NLRP5: variants seen among roughly 807,000 people sequenced by gnomAD.
NLRP5 encodes NLR family pyrin domain containing 5, also known as NACHT, LRR and PYD domains-containing protein 5.
NLRP5 carries 93 observed loss-of-function variants against 113.1 expected under a neutral mutation model. The observed-to-expected ratio is 0.82, with a 90% CI of 0.70 to 0.98. The LOEUF is 0.98. Ranked by LOEUF, NLRP5 falls within the 50% of genes least tolerant of loss-of-function variation. The probability of loss-of-function intolerance (pLI) is 0.00; values close to 1 mark genes in which losing one functional copy is unlikely to be tolerated. For missense variants in NLRP5, 1,808 were observed against 1,514.3 expected, an observed-to-expected ratio of 1.19 and a Z score of -3.22; for synonymous variants, 751 against 600.7, an observed-to-expected ratio of 1.25 and a Z score of -3.66.
At position 56,058,181 on chromosome 19, in the gene NLRP5, T is replaced by G. The variant is rs942520795; in HGVS notation, c.3300-59T>G. 6.2e-6 allele frequency: 8 copies of G among 1,282,266 alleles called. No individual in the cohort carries two copies. In the East Asian group the frequency reaches 2.0e-4, roughly 31 times the overall value. 79.4% of individuals were successfully genotyped at this position (1,282,266 alleles called of 1,614,324 possible). ...GTATCAAGGTGAAATTCATACGGGT[T>G]GAATGAAGGGTCCATCATCGATCTT... On this transcript the variant is annotated intron_variant, in intron 13 of 14. Coordinates refer to ENST00000390649, the MANE Select transcript of NLRP5 (RefSeq NM_153447.4).
chr19:56,049,546 G>A (rs1480937382), intron 11 of NLRP5, among the ~76,000 whole-genome samples: 3 of 151,860 alleles, frequency 2.0e-5, no homozygotes, highest in Admixed American at 2.0e-4. Context: ...TTGACCTGGT[G>A]ATCCTCCCGC....
At chr19:55,998,688 A>ATATATGTGTGTGTGTGTGTGTG (rs1981440088), upstream of NLRP5, among the ~76,000 whole-genome samples, 27 of 50,290 alleles carry the variant, frequency 5.4e-4, no homozygotes, top group African/African-American at 1.9e-3. Flanking sequence ...ATATATATAT[A>ATATATGTGTGTGTGTGTGTGTG]TATATATATA....
intron 13 of NLRP5, among the ~76,000 whole-genome samples, chr19:56,057,409 C>G (rs974364984): frequency 1.3e-5 from 2 of 152,168 alleles, no homozygotes; most frequent in Non-Finnish European, 2.9e-5. Flanking sequence ...GACCTAGGTG[C>G]CCAGCCTCCG....
intron 3 of NLRP5, among the ~76,000 whole-genome samples, chr19:56,009,736 T>C (rs555519328): frequency 2.6e-5 from 4 of 152,272 alleles, no homozygotes; most frequent in Admixed American, 2.6e-4. Flanking sequence ...GCCGCTACCA[T>C]CTTGCTCAGC....
At chr19:56,048,534 A>AG (rs199932514) in intron 11 of NLRP5, among the ~76,000 whole-genome samples, 100,372 of 151,548 alleles carry the variant, frequency 0.66, 33,823 homozygotes, top group Non-Finnish European at 0.7. Context: ...TGTTCAAGGA[A>AG]CAAACAAGGG....
upstream of NLRP5, among the ~76,000 whole-genome samples, chr19:55,998,784 C>G (rs1219179555): frequency 1.4e-5 from 2 of 146,272 alleles, no homozygotes; most frequent in African/African-American, 2.6e-5. Flanking sequence ...CAAATTGAAG[C>G]AATCCTAAAT....
chr19:56,034,091 T>A (rs1950124105), intron 9 of NLRP5, among the ~76,000 whole-genome samples: 1 of 152,136 alleles, frequency 6.6e-6, no homozygotes, highest in Admixed American at 6.5e-5. Flanking sequence ...GTATAGAGGT[T>A]GAATGTGCCC....
chr19:56,009,510 A>G (rs541505308), intron 3 of NLRP5, among the ~76,000 whole-genome samples: 4 of 152,202 alleles, frequency 2.6e-5, no homozygotes, highest in African/African-American at 9.6e-5. Flanking sequence ...AACCAGATTC[A>G]ATACAATTCC....
chr19:56,033,492 T>A, intron 8 of NLRP5, 50 bp from the exon 9 acceptor site: 1 of 1,403,660 alleles, frequency 7.1e-7, no homozygotes, highest in Non-Finnish European at 9.9e-7. Context: ...AAAATGAGGA[T>A]ACAACTAAAC....
rs116144674 is a variant in NLRP5, at chr19:56,047,852, T to C, written c.2958-2566T>C. Among the ~76,000 whole-genome samples, 1,036 of 152,322 alleles carry C rather than the reference T, an allele frequency of 6.8e-3. 13 individuals are homozygous for C. The highest frequency in any genetic ancestry group is 0.024 in the African/African-American group (1,000 of 41,562). On this transcript the variant is annotated intron_variant, in intron 11 of 14. Transcript: ENST00000390649. Reference sequence around the variant, plus strand: ...GTCCCCCAGTATTACTGTGTTGCTATCTATCTCATTTTTTAGGTCTATTAG... The same window carrying C: ...GTCCCCCAGTATTACTGTGTTGCTACCTATCTCATTTTTTAGGTCTATTAG...
intron 9 of NLRP5, among the ~76,000 whole-genome samples, chr19:56,036,913 C>T (rs1189120186): frequency 3.3e-5 from 5 of 152,130 alleles, no homozygotes; most frequent in African/African-American, 7.2e-5. Context: ...GCCGAGATTG[C>T]GCCACTGCAC....
rs1467295062 is a variant in NLRP5 at position 56,050,544 on chromosome 19, G to T, written c.3084G>T (p.Leu1028=). The change falls in exon 12 of 15, where the codon CTG becomes CTT. Residue 1028 remains leucine, a synonymous_variant. Coordinates refer to ENST00000390649, the MANE Select transcript of NLRP5 (RefSeq NM_153447.4). ...TGGAAGACAATGGCGTGAAGCTTCT[G>T]TGCGAGGTCATGAGAGAACCATCTT... The T allele has an allele frequency of 6.2e-7, 1 of 1,614,020 alleles. No individual in the cohort carries two copies. Among genetic ancestry groups the T allele is most frequent in the Non-Finnish European group, 8.5e-7 (1 of 1,179,894 alleles).
At chr19:56,035,682 A>AG (rs1983284874) in intron 9 of NLRP5, among the ~76,000 whole-genome samples, 1 of 152,226 alleles carries the variant, frequency 6.6e-6, no homozygotes, top group African/African-American at 2.4e-5. Context: ...TCACAGGGGC[A>AG]GGAGTATTGC....
intron 4 of NLRP5, among the ~76,000 whole-genome samples, chr19:56,017,631 T>C (rs986281949): frequency 6.6e-6 from 1 of 152,252 alleles, no homozygotes; most frequent in Non-Finnish European, 1.5e-5. Context: ...CTTTGTATAA[T>C]TTCAAGGAAC....
Position 56,025,573 on chromosome 19 carries a change from CT to C in NLRP5, c.680-1331del, listed in dbSNP as rs11414927. On this transcript the variant is annotated intron_variant, in intron 6 of 14. Transcript: ENST00000390649. ...GGCGCCCGCCAACATGTCTGGCTAA[CT>C]TTTTTTTTCGTATTTTTAGTAGAGA... 3.1e-3 allele frequency among the ~76,000 whole-genome samples: 464 copies of C among 151,148 alleles called. 1 individual carries two copies. Among genetic ancestry groups the C allele is most frequent in the East Asian group, 0.025 (127 of 5,112 alleles).
chr19:56,021,611 G>T (rs767098960), intron 6 of NLRP5, among the ~76,000 whole-genome samples: 1 of 152,122 alleles, frequency 6.6e-6, no homozygotes, highest in Non-Finnish European at 1.5e-5. Context: ...GTTTCACTTG[G>T]CATAAAGTTC....
At position 56,027,917 on chromosome 19, in the gene NLRP5, C is replaced by T. The variant is rs780240938; in HGVS notation, c.1684C>T (p.Arg562Cys). The change falls in exon 7 of 15, where the codon CGT becomes TGT. Residue 562 changes from arginine to cysteine, a missense_variant. Physicochemically the swap from Arg to Cys is radical, Grantham distance 180 (BLOSUM62 -3). Coordinates refer to ENST00000390649, the MANE Select transcript of NLRP5 (RefSeq NM_153447.4). ...TCAAGGACTCGGGGAGTCTGAGCTC[C>T]GTGCTCTGTTTCACATGAACATCCT... The T allele has an allele frequency of 1.1e-5, 17 of 1,613,808 alleles. No individual in the cohort carries two copies. The highest frequency in any genetic ancestry group is 6.7e-5 in the Admixed American group (4 of 59,982).
intron 9 of NLRP5, among the ~76,000 whole-genome samples, chr19:56,035,298 T>C (rs1983270057): frequency 6.6e-6 from 1 of 152,208 alleles, no homozygotes. Context: ...AGAAGAAGAA[T>C]TTGCTTTGTA....
chr19:56,022,684 C>A (rs1445279392), intron 6 of NLRP5, among the ~76,000 whole-genome samples: 2 of 152,082 alleles, frequency 1.3e-5, no homozygotes, highest in Non-Finnish European at 2.9e-5. Context: ...TTAGAAAAAA[C>A]CTATGAGAGA....
Sources: allele counts gnomAD v4.1 joint callset (sites outside exome capture counted in the v4.1 genomes callset), GRCh38; gene constraint gnomAD v4.1.1; transcripts MANE v1.5; gene names NCBI Gene and HGNC (gene_info 2026-07-23, HGNC 2026-07-21).